Variants in TP73 observed in about 807,000 individuals in gnomAD.
TP73 encodes the protein p53-like transcription factor.
TP73 carries 25 observed loss-of-function variants against 62.5 expected under a neutral mutation model. The ratio of observed to expected loss-of-function variants is 0.40; its 90% CI spans 0.29 to 0.56. The LOEUF (loss-of-function observed/expected upper bound fraction) is 0.56, where lower values mean the gene tolerates loss of function less well. Ranked by LOEUF, TP73 falls within the 20% of genes least tolerant of loss-of-function variation. The probability of loss-of-function intolerance (pLI) is 0.46; values close to 1 mark genes in which losing one functional copy is unlikely to be tolerated. For missense variants in TP73, 754 were observed against 913.3 expected (o/e 0.83, Z 2.25); for synonymous variants, 423 against 377.5 (o/e 1.12, Z -1.40).
chr1:3,713,227 G>A (rs374337441), intron 4 of TP73, among the ~76,000 whole-genome samples: 2 of 152,206 alleles, frequency 1.3e-5, no homozygotes. Context: ...CCTCAAGAAC[G>A]CTTTATCACT....
intron 3 of TP73, among the ~76,000 whole-genome samples, chr1:3,700,078 C>G (rs948927812): frequency 6.6e-6 from 1 of 152,174 alleles, no homozygotes; most frequent in East Asian, 1.9e-4. Flanking sequence ...GCAGGAGCTC[C>G]GTCTTTCGAG....
rs980180567 is a variant in TP73 at position 3,666,745 on chromosome 1, G to A, written c.-34+14104G>A. ...AGCTCGGAAGTGAGTAAGCATTGGCGGTGGGGATGGTGCTCTGAGCAGACG... is the reference window on the plus strand; with the variant it reads ...AGCTCGGAAGTGAGTAAGCATTGGCAGTGGGGATGGTGCTCTGAGCAGACG... On this transcript the variant is annotated intron_variant, in intron 1 of 13. Transcript: ENST00000378295. This position sits in a 1 kb window ranked among gnomAD's most constrained non-coding sequence, Gnocchi z 6.4. 6.6e-6 allele frequency among the ~76,000 whole-genome samples: 1 copy of A among 152,186 alleles called. No individual in the cohort carries two copies. The highest frequency in any genetic ancestry group is 2.4e-5 in the African/African-American group (1 of 41,450).
chr1:3,687,210 C>T (rs561679745), intron 3 of TP73, among the ~76,000 whole-genome samples: 23 of 152,286 alleles, frequency 1.5e-4, no homozygotes, highest in Middle Eastern at 3.4e-3. Flanking sequence ...GCCTGTGGCC[C>T]GGGCCTCCCC....
chr1:3,717,111 T>C (rs1231280951), intron 4 of TP73, among the ~76,000 whole-genome samples: 1 of 152,228 alleles, frequency 6.6e-6, no homozygotes, highest in East Asian at 1.9e-4. Context: ...ATGCTACACG[T>C]CCCAGGAAAA....
Position 3,733,185 on chromosome 1 carries a change from G to GT in TP73, c.*107dup. ...CCTCAGGAGGCAGGACCTTCGGGCT[G>GT]TGCCCGGGGAAAGGCAAGGTCCGGC... is the stretch of plus-strand genomic sequence containing the variant. On this transcript the variant is annotated 3_prime_UTR_variant, in exon 14 of 14. Transcript: ENST00000378295. 7.6e-7 allele frequency: 1 copy of GT among 1,318,522 alleles called. No individual in the cohort carries two copies. The highest frequency in any genetic ancestry group is 2.5e-5 in the East Asian group (1 of 39,338). 81.7% of individuals were successfully genotyped at this position (1,318,522 alleles called of 1,614,324 possible). A position where few individuals can be genotyped will look rare whatever the true frequency, so the allele number is the denominator to read the frequency against.
rs1570664382 is a variant in TP73 at position 3,733,396 on chromosome 1, A to G, written c.*317A>G. 1 of 428,366 alleles carries G rather than the reference A, an allele frequency of 2.3e-6. No homozygotes were observed. The highest frequency in any genetic ancestry group is 3.8e-5 in the East Asian group (1 of 26,216). The allele number at this position is 428,366 out of a possible 1,614,324, so 26.5% of individuals were successfully genotyped here. A position where few individuals can be genotyped will look rare whatever the true frequency, so the allele number is the denominator to read the frequency against. ...CATGGCAGGCGTGGGTGGGGACCGCAGCGTCGGCTCCGACTTCCAGGCTTC... is the reference window on the plus strand; with the variant it reads ...CATGGCAGGCGTGGGTGGGGACCGCGGCGTCGGCTCCGACTTCCAGGCTTC... On this transcript the variant is annotated 3_prime_UTR_variant, in exon 14 of 14. Transcript: ENST00000378295.
chr1:3,726,626 G>A (rs1641643907), intron 6 of TP73, among the ~76,000 whole-genome samples: 1 of 136,516 alleles, frequency 7.3e-6, no homozygotes, highest in East Asian at 3.3e-4. Context: ...ATAGACGGGT[G>A]GGTGGATGGA....
rs956349638 is a variant in TP73, at chr1:3,689,089, C to G, written c.186+5909C>G. On this transcript the variant is annotated intron_variant, in intron 3 of 13. Coordinates refer to ENST00000378295, the MANE Select transcript of TP73 (RefSeq NM_005427.4). ...TGAGGGTCTGTCCATCCCTGGGGAG[C>G]CCGCCCCCAACCCAAGAGGGGTCCC... 1.3e-5 allele frequency among the ~76,000 whole-genome samples: 2 copies of G among 152,096 alleles called. 1 individual carries two copies. Among genetic ancestry groups the G allele is most frequent in the Non-Finnish European group, 2.9e-5 (2 of 67,980 alleles).
chr1:3,712,883 G>A (rs1208757707), intron 4 of TP73, among the ~76,000 whole-genome samples: 2 of 152,142 alleles, frequency 1.3e-5, no homozygotes, highest in African/African-American at 4.8e-5. Context: ...CCCGTGTGGT[G>A]CCCCACCCCG....
At chr1:3,709,165 G>A (rs1639926681) in intron 4 of TP73, among the ~76,000 whole-genome samples, 1 of 152,180 alleles carries the variant, frequency 6.6e-6, no homozygotes, top group Admixed American at 6.5e-5. Context: ...CCCCACCTGC[G>A]GTTGTTTCTG....
At position 3,731,048 on chromosome 1, in the gene TP73, C is replaced by T. The variant is rs1014008675; in HGVS notation, c.1467C>T (p.Ala489=). 2.5e-6 allele frequency: 4 copies of T among 1,611,814 alleles called. No homozygotes were observed. The highest frequency in any genetic ancestry group is 1.3e-5 in the African/African-American group (1 of 75,028). Residue 489 remains alanine, a synonymous_variant, in exon 12 of 14, where the codon GCC becomes GCT. Coordinates refer to ENST00000378295, the MANE Select transcript of TP73 (RefSeq NM_005427.4). ...GCACTCCGCCACCCCCCTACCACGCCGACCCCAGCCTCGTCAGGTGCGTGG... is the reference window on the plus strand; with the variant it reads ...GCACTCCGCCACCCCCCTACCACGCTGACCCCAGCCTCGTCAGGTGCGTGG... ...SHCTPPPPYH[A]DPSLVSFLTG...
rs1381174994 is a variant in TP73, at chr1:3,696,968, C to A, written c.187-10581C>A. ...CATTGGACCTCCCCCCAGTCACCAG[C>A]CTAATAGGACCTCAACTTGCTAAAC... On this transcript the variant is annotated intron_variant, in intron 3 of 13. Transcript: ENST00000378295. This position sits in a 1 kb window ranked among gnomAD's most constrained non-coding sequence, Gnocchi z 4.1. 1.3e-5 allele frequency among the ~76,000 whole-genome samples: 2 copies of A among 152,174 alleles called. No homozygotes were observed. Among genetic ancestry groups the A allele is most frequent in the Admixed American group, 6.5e-5 (1 of 15,292 alleles).
At chr1:3,708,748 C>T (rs551963586) in intron 4 of TP73, among the ~76,000 whole-genome samples, 14 of 152,272 alleles carry the variant, frequency 9.2e-5, no homozygotes, top group African/African-American at 2.6e-4. Context: ...AAGAGCCCTC[C>T]GGGTCTCCCC....
At chr1:3,667,623 G>A (rs553639408) in intron 1 of TP73, among the ~76,000 whole-genome samples, 2 of 151,994 alleles carry the variant, frequency 1.3e-5, no homozygotes, top group Non-Finnish European at 2.9e-5. Flanking sequence ...GGTGGCACGT[G>A]CCTGTAGTCC....
chr1:3,700,616 G>C (rs1230948911), intron 3 of TP73, among the ~76,000 whole-genome samples: 1 of 152,064 alleles, frequency 6.6e-6, no homozygotes, highest in African/African-American at 2.4e-5. Context: ...GGCCAACATG[G>C]TGAAACCCCC....
intron 1 of TP73, among the ~76,000 whole-genome samples, chr1:3,680,606 T>C (rs973496988): frequency 6.6e-6 from 1 of 152,136 alleles, no homozygotes; most frequent in Non-Finnish European, 1.5e-5. Context: ...TTGGCCCACA[T>C]ACCTGCACCA....
rs369614272 is a variant in TP73, at chr1:3,699,298, T to G, written c.187-8251T>G. 1.1e-4 allele frequency among the ~76,000 whole-genome samples: 17 copies of G among 152,260 alleles called. 1 individual carries two copies. In the East Asian group the frequency reaches 1.2e-3, roughly 10 times the overall value. ...AGGCTGCTTGTCAGTCACTCACCCC[T>G]GGGTGAGGTTGGGGCCCAAGTTCAG... is the stretch of plus-strand genomic sequence containing the variant. On this transcript the variant is annotated intron_variant, in intron 3 of 13. Coordinates refer to ENST00000378295, the MANE Select transcript of TP73 (RefSeq NM_005427.4). This position sits in a 1 kb window ranked among gnomAD's most constrained non-coding sequence, Gnocchi z 4.1.
At position 3,729,463 on chromosome 1, in the gene TP73, G is replaced by C. The variant is rs1373887650; in HGVS notation, c.1196+15G>C. ...CTACAGAGGCCGTGAGTCAGCCCTAGCCCACCATCAGTGTGGGGAAGGAGG... is the reference window on the plus strand; with the variant it reads ...CTACAGAGGCCGTGAGTCAGCCCTACCCCACCATCAGTGTGGGGAAGGAGG... On this transcript the variant is annotated intron_variant, in intron 10 of 13. Transcript: ENST00000378295. 1 of 1,612,456 alleles carries C rather than the reference G, an allele frequency of 6.2e-7. No homozygotes were observed. The highest frequency in any genetic ancestry group is 1.7e-5 in the Admixed American group (1 of 60,012).
chr1:3,733,814 G>C lies in TP73; in HGVS notation c.*735G>C, dbSNP rs1170060604. Reference sequence around the variant, plus strand: ...AGTGCCCCTCAGCCTGGCCACAGTCGCCTCTCCTCGGGGACCCCTCAGCAG... The same window carrying C: ...AGTGCCCCTCAGCCTGGCCACAGTCCCCTCTCCTCGGGGACCCCTCAGCAG... On this transcript the variant is annotated 3_prime_UTR_variant, in exon 14 of 14. Transcript: ENST00000378295. 2 of 152,012 alleles carry C rather than the reference G, an allele frequency of 1.3e-5. No homozygotes were observed. Among genetic ancestry groups the C allele is most frequent in the African/African-American group, 4.8e-5 (2 of 41,462 alleles). 9.4% of individuals were successfully genotyped at this position (152,012 alleles called of 1,614,324 possible).
Sources: gnomAD v4.1 joint callset for allele counts (sites outside exome capture counted in the v4.1 genomes callset) on GRCh38, gnomAD v4.1.1 for gene constraint, Gnocchi (gnomAD v3.1) non-coding constraint, MANE v1.5 for transcripts, NCBI Gene and HGNC (gene_info 2026-07-23, HGNC 2026-07-21) for gene names.